Variants in CNTNAP4 observed in about 807,000 individuals in gnomAD.
The protein encoded by CNTNAP4 is contactin associated protein family member 4.
CNTNAP4 carries 98 observed loss-of-function variants against 148.4 expected under a neutral mutation model. That is an observed-to-expected ratio of 0.66 (90% CI 0.56 to 0.78). The LOEUF is 0.78. Ranked by LOEUF, CNTNAP4 falls within the 30% of genes least tolerant of loss-of-function variation. CNTNAP4 has a pLI of 0.00. For missense variants in CNTNAP4, 1,935 were observed against 1,565.6 expected (o/e 1.24, Z -3.98); for synonymous variants, 730 against 565.1 (o/e 1.29, Z -4.14).
chr16:76,374,268 G>A (rs778978829), intron 3 of CNTNAP4, among the ~76,000 whole-genome samples: 25 of 152,174 alleles, frequency 1.6e-4, no homozygotes, highest in Non-Finnish European at 2.8e-4. Context: ...AATTTGGGTC[G>A]GGCTAGAGAA....
chr16:76,282,607 T>G (rs2143750436), intron 1 of CNTNAP4, among the ~76,000 whole-genome samples: 1 of 152,010 alleles, frequency 6.6e-6, no homozygotes, highest in Admixed American at 6.6e-5. Context: ...TTGGCCAACT[T>G]TCTAGAATAA....
intron 3 of CNTNAP4, among the ~76,000 whole-genome samples, chr16:76,371,389 G>C (rs1011539513): frequency 1.6e-4 from 24 of 152,190 alleles, no homozygotes; most frequent in African/African-American, 4.3e-4. Flanking sequence ...GGATTCAAGC[G>C]ACTCTCCTGC....
At chr16:76,458,712 C>T (rs1328511473) in intron 8 of CNTNAP4, among the ~76,000 whole-genome samples, 1 of 152,186 alleles carries the variant, frequency 6.6e-6, no homozygotes, top group Non-Finnish European at 1.5e-5. Flanking sequence ...TGCCTGCCAG[C>T]CACTCACCTT....
intron 3 of CNTNAP4, among the ~76,000 whole-genome samples, chr16:76,414,955 T>TTA (rs988244724): frequency 8.2e-6 from 1 of 122,054 alleles, no homozygotes; most frequent in African/African-American, 3.2e-5. Flanking sequence ...AAAAACCAAC[T>TTA]TGTGTTTTTT....
chr16:76,427,376 A>C (rs7192076), intron 3 of CNTNAP4, 76 bp from the exon 4 acceptor site: 795,184 of 1,275,352 alleles, frequency 0.62, 250,420 homozygotes, highest in East Asian at 0.8. Flanking sequence ...ACACATTGCT[A>C]ATAGACATTA....
At chr16:76,468,584 C>G (rs2081259081) in intron 10 of CNTNAP4, among the ~76,000 whole-genome samples, 1 of 152,106 alleles carries the variant, frequency 6.6e-6, no homozygotes, top group African/African-American at 2.4e-5. Context: ...ACCTCCTTAG[C>G]TCAAGCCATC....
In CNTNAP4 at chr16:76,461,944, T is replaced by C; in HGVS notation, c.1334-12T>C. On this transcript the variant is annotated splice_polypyrimidine_tract_variant and intron_variant, in intron 8 of 23. Coordinates refer to ENST00000611870, the MANE Select transcript of CNTNAP4 (RefSeq NM_033401.5). ...TATTGAGAGCGATCTCTAACTGATT[T>C]CATCTCCCTAGGTGTCGAATTAAAT... 6.2e-7 allele frequency: 1 copy of C among 1,612,964 alleles called. No homozygotes were observed. The highest frequency in any genetic ancestry group is 8.5e-7 in the Non-Finnish European group (1 of 1,179,094).
intron 1 of CNTNAP4, among the ~76,000 whole-genome samples, chr16:76,311,560 G>C (rs1417289912): frequency 6.6e-6 from 1 of 152,140 alleles, no homozygotes; most frequent in Non-Finnish European, 1.5e-5. Context: ...AAAGACTAAA[G>C]CTATCGTTTT....
intron 17 of CNTNAP4, among the ~76,000 whole-genome samples, chr16:76,523,755 C>G (rs928926454): frequency 6.6e-6 from 1 of 152,046 alleles, no homozygotes; most frequent in African/African-American, 2.4e-5. Context: ...CAAGATCCAT[C>G]TCTACAAAAA....
chr16:76,550,823 C>T (rs146826516), intron 21 of CNTNAP4, among the ~76,000 whole-genome samples: 361 of 152,092 alleles, frequency 2.4e-3, no homozygotes, highest in Admixed American at 7.1e-3. Flanking sequence ...TATATAATGA[C>T]GTTATGCTGG....
chr16:76,461,023 T>A (rs1279731352), intron 8 of CNTNAP4, among the ~76,000 whole-genome samples: 1 of 151,774 alleles, frequency 6.6e-6, no homozygotes, highest in Non-Finnish European at 1.5e-5. Flanking sequence ...TATAATGTTG[T>A]CAATTCATTA....
At chr16:76,308,680 G>C (rs977411454) in intron 1 of CNTNAP4, among the ~76,000 whole-genome samples, 6 of 152,226 alleles carry the variant, frequency 3.9e-5, no homozygotes, top group Non-Finnish European at 8.8e-5. Flanking sequence ...GACTAGCATG[G>C]TTCTGGCTGT....
chr16:76,311,252 T>C (rs1264741722), intron 1 of CNTNAP4, among the ~76,000 whole-genome samples: 1 of 152,182 alleles, frequency 6.6e-6, no homozygotes, highest in Non-Finnish European at 1.5e-5. Flanking sequence ...ATTTTCAGTA[T>C]ACCTTGCATC....
chr16:76,379,171 G>A (rs552547475), intron 3 of CNTNAP4, among the ~76,000 whole-genome samples: 2 of 152,104 alleles, frequency 1.3e-5, no homozygotes, highest in East Asian at 3.9e-4. Context: ...CTACTTTCTG[G>A]TACTTAAAAA....
In CNTNAP4 at chr16:76,538,353, T is replaced by C; in HGVS notation, c.3220+13T>C. The C allele has an allele frequency of 1.3e-6, 2 of 1,560,406 alleles. No individual in the cohort carries two copies. The highest frequency in any genetic ancestry group is 1.1e-5 in the South Asian group (1 of 88,518). On this transcript the variant is annotated intron_variant, in intron 19 of 23. Transcript: ENST00000611870. ...ATTGCCAAAAATGGTGAGTTCTTTT[T>C]AGATGAGAGAGAGAAAATTAAATTA...
intron 2 of CNTNAP4, among the ~76,000 whole-genome samples, chr16:76,321,257 C>A (rs986403400): frequency 7.2e-5 from 11 of 152,186 alleles, no homozygotes; most frequent in Admixed American, 2.0e-4. Context: ...AGATAACTCC[C>A]ATTCTTGGAT....
At chr16:76,548,489 A>G (rs555910210) in intron 21 of CNTNAP4, among the ~76,000 whole-genome samples, 16 of 152,020 alleles carry the variant, frequency 1.1e-4, no homozygotes, top group Non-Finnish European at 1.8e-4. Context: ...GTATTGTCGT[A>G]TCTTTCAAAA....
chr16:76,447,581 A>G (rs976517299), intron 4 of CNTNAP4, among the ~76,000 whole-genome samples: 1 of 152,138 alleles, frequency 6.6e-6, no homozygotes, highest in African/African-American at 2.4e-5. Flanking sequence ...TTGACTTTAC[A>G]GTGGTGTAGA....
intron 2 of CNTNAP4, among the ~76,000 whole-genome samples, chr16:76,344,588 G>A (rs1339351154): frequency 6.6e-6 from 1 of 152,188 alleles, no homozygotes; most frequent in Non-Finnish European, 1.5e-5. Context: ...AAACCGCTGA[G>A]TCTGAATATT....
Sources: allele counts gnomAD v4.1 joint callset (sites outside exome capture counted in the v4.1 genomes callset), GRCh38; gene constraint gnomAD v4.1.1; transcripts MANE v1.5; gene names NCBI Gene and HGNC (gene_info 2026-07-23, HGNC 2026-07-21).